NBEA: variants seen among roughly 807,000 people sequenced by gnomAD.
The protein encoded by NBEA is neurobeachin, also known as lysosomal-trafficking regulator 2.
NBEA carries 44 observed loss-of-function variants against 343.4 expected under a neutral mutation model. The ratio of observed to expected loss-of-function variants is 0.13; its 90% CI spans 0.10 to 0.16. NBEA has a LOEUF of 0.16. Ranked by LOEUF, NBEA falls within the 10% of genes least tolerant of loss-of-function variation. The pLI, the probability that NBEA is intolerant of heterozygous loss-of-function variation, is 1.00. For synonymous variants in NBEA, 1,175 were observed against 1,238.7 expected (o/e 0.95, Z 1.08); for missense variants, 2,555 against 3,631.3 (o/e 0.70, Z 7.62).
At chr13:35,517,985 A>T (rs982734515) in intron 41 of NBEA, among the ~76,000 whole-genome samples, 1 of 152,160 alleles carries the variant, frequency 6.6e-6, no homozygotes, top group Non-Finnish European at 1.5e-5. Context: ...TTGAAATTTA[A>T]TATTAACCTT....
chr13:35,546,062 A>ATG (rs2079044117), intron 41 of NBEA, among the ~76,000 whole-genome samples: 8 of 152,220 alleles, frequency 5.3e-5, no homozygotes, highest in African/African-American at 1.9e-4. Flanking sequence ...ACAAACATAT[A>ATG]TGGAGCACAT....
chr13:35,349,205 G>T lies in NBEA; in HGVS notation c.6001G>T (p.Ala2001Ser). ...RQRAEDVHKH[A>S]EFESQCAQYA... ...AAGAGCCGAGGATGTACATAAACAT[G>T]CAGAGTTTGAGGTAAGGTTTTGGGA... The change falls in exon 37 of 59, where the codon GCA becomes TCA. Residue 2001 changes from alanine (A) to serine (S), a missense_variant. Around this residue, in one of 21 missense-constraint regions of NBEA, gnomAD observed 246 missense variants for 313.7 expected, o/e 0.78. Transcript: ENST00000379939. 6.3e-7 allele frequency: 1 copy of T among 1,592,396 alleles called. No homozygotes were observed. The highest frequency in any genetic ancestry group is 8.6e-7 in the Non-Finnish European group (1 of 1,167,400).
Position 35,555,107 on chromosome 13 carries a change from G to A in NBEA, c.6922+5G>A. 2.7e-6 allele frequency: 4 copies of A among 1,465,114 alleles called. No homozygotes were observed. Among genetic ancestry groups the A allele is most frequent in the Non-Finnish European group, 3.8e-6 (4 of 1,049,774 alleles). 90.8% of individuals were successfully genotyped at this position (1,465,114 alleles called of 1,614,324 possible). A position where few individuals can be genotyped will look rare whatever the true frequency, so the allele number is the denominator to read the frequency against. On this transcript the variant is annotated splice_donor_5th_base_variant and intron_variant, in intron 44 of 58. Transcript: ENST00000379939. ...TGTTCCTTAATACTATTGCAGGTAA[G>A]ATGTCTCATTCTTTAATCTAATAAT...
chr13:35,182,775 A>C (rs560579899), intron 29 of NBEA, among the ~76,000 whole-genome samples: 24 of 152,012 alleles, frequency 1.6e-4, no homozygotes, highest in Non-Finnish European at 2.9e-4. Flanking sequence ...ATTAATACAA[A>C]TCATTAATTT....
chr13:35,644,690 C>T (rs2084133123), intron 49 of NBEA, among the ~76,000 whole-genome samples: 1 of 152,148 alleles, frequency 6.6e-6, no homozygotes, highest in Non-Finnish European at 1.5e-5. Flanking sequence ...ACCAGGGCAG[C>T]GTTAACAATA....
intron 36 of NBEA, among the ~76,000 whole-genome samples, chr13:35,322,978 TA>T (rs1205214681): frequency 6.6e-6 from 1 of 152,032 alleles, no homozygotes; most frequent in African/African-American, 2.4e-5. Flanking sequence ...GCCTCCCAAG[TA>T]GCTGGGACTA....
At chr13:35,048,924 A>G (rs1214885254) in intron 5 of NBEA, among the ~76,000 whole-genome samples, 1 of 151,880 alleles carries the variant, frequency 6.6e-6, no homozygotes, top group South Asian at 2.1e-4. Flanking sequence ...TTAAAAGTCA[A>G]AGGTACAGAC....
intron 41 of NBEA, among the ~76,000 whole-genome samples, chr13:35,518,007 A>C (rs551238477): frequency 2.8e-4 from 43 of 152,264 alleles, no homozygotes; most frequent in African/African-American, 9.6e-4. Flanking sequence ...TGATTATTTG[A>C]CACTCTTGAA....
chr13:35,227,622 A>G (rs552593770), intron 33 of NBEA, among the ~76,000 whole-genome samples: 2 of 152,168 alleles, frequency 1.3e-5, no homozygotes, highest in East Asian at 3.9e-4. Context: ...CTTATTATAA[A>G]CTACCTATTT....
In NBEA at chr13:35,472,278, C is replaced by T. The variant is rs868821132; in HGVS notation, c.6449-122C>T. Reference sequence around the variant, plus strand: ...TCTTACGTGAAAAAAGAGTTTGCCGCATAATACAGGCACCATTTTTTCTAG... The same window carrying T: ...TCTTACGTGAAAAAAGAGTTTGCCGTATAATACAGGCACCATTTTTTCTAG... On this transcript the variant is annotated intron_variant, in intron 40 of 58. Coordinates refer to ENST00000379939, the MANE Select transcript of NBEA (RefSeq NM_001385012.1). The T allele has an allele frequency of 5.7e-5, 58 of 1,015,724 alleles. No homozygotes were observed. The African/African-American group carries it at 8.2e-4, about 14-fold the overall frequency. The allele number at this position is 1,015,724 out of a possible 1,614,324, so 62.9% of individuals were successfully genotyped here. A position where few individuals can be genotyped will look rare whatever the true frequency, so the allele number is the denominator to read the frequency against.
At chr13:35,557,083 G>T (rs1029214194) in intron 44 of NBEA, among the ~76,000 whole-genome samples, 4 of 152,088 alleles carry the variant, frequency 2.6e-5, no homozygotes, top group African/African-American at 7.2e-5. Context: ...TATAAAACTG[G>T]AGGGCAGGGT....
chr13:35,548,275 A>G (rs1054559511), intron 41 of NBEA, among the ~76,000 whole-genome samples: 1 of 152,224 alleles, frequency 6.6e-6, no homozygotes. Flanking sequence ...ACAGTTTTAC[A>G]TGGTGCACTT....
intron 1 of NBEA, among the ~76,000 whole-genome samples, chr13:35,020,311 T>C (rs1264394951): frequency 6.6e-6 from 1 of 152,156 alleles, no homozygotes; most frequent in Non-Finnish European, 1.5e-5. Context: ...TGATGTATAG[T>C]TTTATTTATT....
chr13:35,260,038 G>T (rs781192737), intron 34 of NBEA, among the ~76,000 whole-genome samples: 3 of 152,150 alleles, frequency 2.0e-5, no homozygotes, highest in Non-Finnish European at 4.4e-5. Context: ...TGAAGATATG[G>T]TTATCTTTAA....
intron 34 of NBEA, among the ~76,000 whole-genome samples, chr13:35,236,834 T>C (rs79443095): frequency 0.013 from 2,018 of 152,038 alleles, 38 homozygotes; most frequent in African/African-American, 0.047. Flanking sequence ...AGCAAATTAA[T>C]GTCATGACTT....
intron 38 of NBEA, among the ~76,000 whole-genome samples, chr13:35,377,789 G>A (rs1414212713): frequency 6.6e-6 from 1 of 152,098 alleles, no homozygotes; most frequent in Non-Finnish European, 1.5e-5. Context: ...TACCAGTGTA[G>A]TCCTATCTTT....
At chr13:35,456,643 C>T (rs2046594548) in intron 40 of NBEA, among the ~76,000 whole-genome samples, 1 of 151,628 alleles carries the variant, frequency 6.6e-6, no homozygotes, top group South Asian at 2.1e-4. Context: ...AACTGAAATT[C>T]AAGATTAACT....
chr13:35,085,824 C>G (rs562553222), intron 10 of NBEA, among the ~76,000 whole-genome samples: 19 of 152,084 alleles, frequency 1.2e-4, no homozygotes, highest in Admixed American at 8.5e-4. Flanking sequence ...GATTGTATAT[C>G]TAGAAAACCC....
At chr13:35,148,018 C>A (rs1322135232) in intron 18 of NBEA, among the ~76,000 whole-genome samples, 3 of 152,156 alleles carry the variant, frequency 2.0e-5, no homozygotes, top group Non-Finnish European at 4.4e-5. Context: ...CAACCAACTG[C>A]CAGTGATTCT....
Sources: allele counts gnomAD v4.1 joint callset (sites outside exome capture counted in the v4.1 genomes callset), GRCh38; gene constraint gnomAD v4.1.1; regional missense constraint gnomAD v4.1.1; transcripts MANE v1.5; gene names NCBI Gene and HGNC (gene_info 2026-07-23, HGNC 2026-07-21).